Variants in MRPS14 observed in about 807,000 individuals in gnomAD.
MRPS14 encodes small ribosomal subunit protein uS14m.
Under a neutral mutation model 16.4 loss-of-function variants are expected in MRPS14, and 14 were observed. The ratio of observed to expected loss-of-function variants is 0.85; its 90% CI spans 0.56 to 1.33. The LOEUF (loss-of-function observed/expected upper bound fraction) is 1.33. MRPS14 is among the 40% of genes most tolerant of loss of function. The probability of loss-of-function intolerance (pLI) is 0.00; values close to 1 mark genes in which losing one functional copy is unlikely to be tolerated. For missense variants in MRPS14, 162 were observed against 176.8 expected, an observed-to-expected ratio of 0.92 and a Z score of 0.48; for synonymous variants, 54 against 61.9, an observed-to-expected ratio of 0.87 and a Z score of 0.60.
In MRPS14 at chr1:175,014,592, G is replaced by T; in HGVS notation, c.*77C>A. On this transcript the variant is annotated 3_prime_UTR_variant, in exon 3 of 3. Transcript: ENST00000476371. ...GGGCCCCTGTAGAGATTAGGGTTTG[G>T]TCTATTAAAAAAAATCTTTGCTTGC... 3 of 1,466,796 alleles carry T rather than the reference G, an allele frequency of 2.0e-6. No homozygotes were observed. The highest frequency in any genetic ancestry group is 2.8e-6 in the Non-Finnish European group (3 of 1,086,924). The allele number at this position is 1,466,796 out of a possible 1,614,324, so 90.9% of individuals were successfully genotyped here.
Position 175,023,385 on chromosome 1 carries a change from C to A in MRPS14, c.24G>T (p.Ser8=). 1.9e-6 allele frequency: 3 copies of A among 1,614,140 alleles called. No homozygotes were observed. Among genetic ancestry groups the A allele is most frequent in the Non-Finnish European group, 1.7e-6 (2 of 1,180,020 alleles). Residue 8 remains serine (S), a synonymous_variant, in exon 1 of 3, where the codon TCG becomes TCT. Coordinates refer to ENST00000476371, the MANE Select transcript of MRPS14 (RefSeq NM_022100.3). MAAFMLG[S]LLRTFKQMVP... ...TGACCTGCTTGAACGTCCGCAGCAG[C>A]GAGCCCAGCATGAAGGCCGCCATGT...
intron 1 of MRPS14, among the ~76,000 whole-genome samples, chr1:175,021,572 C>T (rs1200013819): frequency 6.6e-6 from 1 of 152,120 alleles, no homozygotes; most frequent in African/African-American, 2.4e-5. Context: ...TCCATTGATC[C>T]TACCATTTTT....
chr1:175,014,943 T>TA, intron 2 of MRPS14, 92 bp from the exon 3 acceptor site: 2 of 1,318,270 alleles, frequency 1.5e-6, no homozygotes, highest in Non-Finnish European at 2.1e-6. Context: ...CTTTTCTTTT[T>TA]TTTTTTTTTT....
intron 1 of MRPS14, chr1:175,022,441 C>G (rs1428112901): frequency 2.3e-5 from 3 of 131,576 alleles, no homozygotes; most frequent in Non-Finnish European, 1.6e-5. Context: ...TAGCCTCTCT[C>G]TCTTTTTTTT....
intron 2 of MRPS14, among the ~76,000 whole-genome samples, chr1:175,016,003 G>C (rs2149414397): frequency 6.6e-6 from 1 of 152,208 alleles, no homozygotes; most frequent in Non-Finnish European, 1.5e-5. Flanking sequence ...TTCGCGACCA[G>C]CCTGACCAAC....
At position 175,018,581 on chromosome 1, in the gene MRPS14, AAGAC is replaced by A; in HGVS notation, c.46-9_46-6del. ...TGAAGCTGATGAAGGAACCATCTGAAAGACAGAGACAAGGGACAAGTGAAGGATA... is the reference window on the plus strand; with the variant it reads ...TGAAGCTGATGAAGGAACCATCTGAAAGAGACAAGGGACAAGTGAAGGATA... On this transcript the variant is annotated splice_region_variant and splice_polypyrimidine_tract_variant and intron_variant, in intron 1 of 2. Coordinates refer to ENST00000476371, the MANE Select transcript of MRPS14 (RefSeq NM_022100.3). 6 of 1,589,760 alleles carry A rather than the reference AAGAC, an allele frequency of 3.8e-6. No individual in the cohort carries two copies. The highest frequency in any genetic ancestry group is 5.1e-6 in the Non-Finnish European group (6 of 1,170,358).
intron 1 of MRPS14, among the ~76,000 whole-genome samples, chr1:175,022,230 G>A (rs772090868): frequency 1.3e-5 from 2 of 151,844 alleles, no homozygotes; most frequent in African/African-American, 2.4e-5. Context: ...TTGATTCTAT[G>A]TTAAAACCAC....
intron 1 of MRPS14, 138 bp from the exon 2 acceptor site, chr1:175,018,714 TTAAGA>T (rs1672926379): frequency 7.1e-6 from 5 of 704,888 alleles, no homozygotes; most frequent in South Asian, 3.1e-5. Flanking sequence ...GTTTAATAGT[TTAAGA>T]TAATAGACTT....
intron 1 of MRPS14, chr1:175,022,391 G>C (rs915480064): frequency 1.3e-5 from 2 of 149,526 alleles, no homozygotes; most frequent in African/African-American, 4.9e-5. Context: ...CAGATTAACT[G>C]TCCAGGTTCC....
chr1:175,013,347 C>T lies in MRPS14; in HGVS notation c.*1322G>A, dbSNP rs952129288. On this transcript the variant is annotated 3_prime_UTR_variant, in exon 3 of 3. Transcript: ENST00000476371. ...TTTGTTCTTTTTCCAAATTTTCTAT[C>T]TTGGAGTTGCCCTCTTGGAATTGCC... 2 of 152,184 alleles carry T rather than the reference C, an allele frequency of 1.3e-5. No individual in the cohort carries two copies. Among genetic ancestry groups the T allele is most frequent in the Non-Finnish European group, 2.9e-5 (2 of 68,052 alleles). The allele number at this position is 152,184 out of a possible 1,614,324, so 9.4% of individuals were successfully genotyped here. A position where few individuals can be genotyped will look rare whatever the true frequency, so the allele number is the denominator to read the frequency against.
chr1:175,023,192 A>G, intron 1 of MRPS14, 172 bp downstream of exon 1: 1 of 1,483,384 alleles, frequency 6.7e-7, no homozygotes, highest in Non-Finnish European at 9.0e-7. Flanking sequence ...AACCAAATTG[A>G]CATCTGCAGC....
At chr1:175,022,431 T>C (rs545143301) in intron 1 of MRPS14, 2 of 149,678 alleles carry the variant, frequency 1.3e-5, no homozygotes, top group African/African-American at 5.0e-5. Context: ...CAAGACCCCA[T>C]AGCCTCTCTC....
At chr1:175,016,896 T>G (rs1672890213) in intron 2 of MRPS14, among the ~76,000 whole-genome samples, 1 of 152,134 alleles carries the variant, frequency 6.6e-6, no homozygotes, top group Non-Finnish European at 1.5e-5. Flanking sequence ...CTCCACAGAA[T>G]TTATTCATCT....
Position 175,014,787 on chromosome 1 carries a change from C to A in MRPS14, c.269G>T (p.Arg90Leu). 6.2e-7 allele frequency: 1 copy of A among 1,614,126 alleles called. No homozygotes were observed. Among genetic ancestry groups the A allele is most frequent in the South Asian group, 1.1e-5 (1 of 91,078 alleles). ...RDSCPVRIRNRCVMTSRPRGV... is the reference protein window; with the variant it reads ...RDSCPVRIRNLCVMTSRPRGV... ...ACGCGGACGGGACGTCATAACACAC[C>A]GATTTCTGATTCTAACAGGACAGCT... Residue 90 changes from arginine to leucine, a missense_variant, in exon 3 of 3, where the codon CGG becomes CTG. Physicochemically the swap from Arg to Leu is moderately radical, Grantham distance 102 (BLOSUM62 -2). Transcript: ENST00000476371.
chr1:175,014,998 TG>T (rs1199306872), intron 2 of MRPS14, 147 bp from the exon 3 acceptor site: 2 of 780,430 alleles, frequency 2.6e-6, no homozygotes, highest in Non-Finnish European at 4.0e-6. Context: ...GGTGTTAGAT[TG>T]TGCAATGTCA....
At chr1:175,017,159 A>G (rs779075324) in intron 2 of MRPS14, among the ~76,000 whole-genome samples, 17 of 151,926 alleles carry the variant, frequency 1.1e-4, no homozygotes, top group Admixed American at 4.6e-4. Flanking sequence ...AGTTCAAGCA[A>G]TTCTCCTGCC....
intron 2 of MRPS14, among the ~76,000 whole-genome samples, chr1:175,016,863 A>G (rs1389198404): frequency 6.6e-6 from 1 of 152,170 alleles, no homozygotes; most frequent in Non-Finnish European, 1.5e-5. Flanking sequence ...ACTATTGACT[A>G]TAGTTACGGT....
At chr1:175,022,072 A>T (rs975677984) in intron 1 of MRPS14, among the ~76,000 whole-genome samples, 23 of 152,212 alleles carry the variant, frequency 1.5e-4, no homozygotes, top group Non-Finnish European at 4.4e-5. Flanking sequence ...AAAGCATTGT[A>T]AACATTAAAC....
At chr1:175,020,643 G>A (rs1672965220) in intron 1 of MRPS14, among the ~76,000 whole-genome samples, 1 of 152,008 alleles carries the variant, frequency 6.6e-6, no homozygotes, top group South Asian at 2.1e-4. Flanking sequence ...CGAGTAGCTG[G>A]GATTACAGGC....
Sources: allele counts gnomAD v4.1 joint callset (sites outside exome capture counted in the v4.1 genomes callset), GRCh38; gene constraint gnomAD v4.1.1; transcripts MANE v1.5; gene names NCBI Gene and HGNC (gene_info 2026-07-23, HGNC 2026-07-21).